Variants in HPS5 observed in about 807,000 individuals in gnomAD.
HPS5 encodes BLOC-2 complex member HPS5.
In HPS5, 83 loss-of-function variants were observed where a neutral mutation model predicts 128.0. That is an observed-to-expected ratio of 0.65 (90% CI 0.54 to 0.78). The LOEUF is 0.78. HPS5 is among the 30% of genes least tolerant of loss of function. The pLI, the probability that HPS5 is intolerant of heterozygous loss-of-function variation, is 0.00. For synonymous variants in HPS5, 475 were observed against 470.2 expected (o/e 1.01, Z -0.13); for missense variants, 1,281 against 1,326.2 (o/e 0.97, Z 0.53).
In HPS5 at chr11:18,298,862, AGCAG is replaced by A. The variant is rs755839901; in HGVS notation, c.1090_1093del (p.Leu364Ter). The A allele has an allele frequency of 3.7e-6, 6 of 1,614,222 alleles. No homozygotes were observed. The highest frequency in any genetic ancestry group is 4.2e-6 in the Non-Finnish European group (5 of 1,180,030). On this transcript the variant is annotated frameshift_variant, in exon 10 of 23. Coordinates refer to ENST00000349215, the MANE Select transcript of HPS5 (RefSeq NM_181507.2). LOFTEE classifies it high-confidence loss of function. Reference sequence around the variant, plus strand: ...AGCCAAGTTCCATAGGCCTCTTCTTAGCAGGCGTTCCACACAGCGCTCCACAGAT... The same window carrying A: ...AGCCAAGTTCCATAGGCCTCTTCTTAGCGTTCCACACAGCGCTCCACAGAT...
rs183984813 is a variant in HPS5 at position 18,285,738 on chromosome 11, C to T, written c.2838-279G>A. 7.9e-5 allele frequency among the ~76,000 whole-genome samples: 12 copies of T among 151,818 alleles called. No homozygotes were observed. The East Asian group carries it at 2.1e-3, about 27-fold the overall frequency. On this transcript the variant is annotated intron_variant, in intron 19 of 22. Coordinates refer to ENST00000349215, the MANE Select transcript of HPS5 (RefSeq NM_181507.2). ...TCACTCACAGATAACCACTGCATAT[C>T]CTTCCAGACTTTTTGCTAGGAATAT...
At chr11:18,292,449 C>G (rs1443476718) in intron 15 of HPS5, among the ~76,000 whole-genome samples, 1 of 152,128 alleles carries the variant, frequency 6.6e-6, no homozygotes, top group South Asian at 2.1e-4. Flanking sequence ...CCACCTCAGC[C>G]TTTCAAAATG....
At chr11:18,313,146 C>T (rs997906989) in intron 2 of HPS5, among the ~76,000 whole-genome samples, 10 of 151,744 alleles carry the variant, frequency 6.6e-5, no homozygotes, top group Admixed American at 2.0e-4. Flanking sequence ...TGAGTTTAAT[C>T]AAAATAACTC....
At chr11:18,288,141 A>G in intron 16 of HPS5, 128 bp from the exon 17 acceptor site, 1 of 914,768 alleles carries the variant, frequency 1.1e-6, no homozygotes, top group Non-Finnish European at 1.7e-6. Flanking sequence ...GCAAGGCCCA[A>G]TATTAAGCAT....
At chr11:18,306,393 A>T in intron 6 of HPS5, 46 bp from the exon 7 acceptor site, 2 of 1,415,068 alleles carry the variant, frequency 1.4e-6, no homozygotes, top group Non-Finnish European at 2.0e-6. Flanking sequence ...TACAAAAAAA[A>T]GTCAAAAACA....
intron 15 of HPS5, 149 bp from the exon 16 acceptor site, chr11:18,292,168 C>T (rs1860487864): frequency 1.5e-6 from 1 of 646,260 alleles, no homozygotes; most frequent in South Asian, 1.9e-5. Context: ...ACTATCTCAA[C>T]AAGATGACAA....
intron 8 of HPS5, among the ~76,000 whole-genome samples, chr11:18,304,665 G>A (rs1862142832): frequency 6.6e-6 from 1 of 152,272 alleles, no homozygotes; most frequent in East Asian, 1.9e-4. Context: ...ACTGAATCAG[G>A]TGTTCACACT....
intron 21 of HPS5, 82 bp downstream of exon 21, chr11:18,283,713 G>A (rs1002320981): frequency 1.1e-6 from 1 of 886,010 alleles, no homozygotes; most frequent in Non-Finnish European, 1.9e-6. Context: ...TCATTGAAAG[G>A]TTCACCAAAT....
intron 8 of HPS5, among the ~76,000 whole-genome samples, chr11:18,303,213 C>T (rs148667681): frequency 5.3e-5 from 8 of 152,106 alleles, no homozygotes; most frequent in African/African-American, 1.4e-4. Context: ...TTCATGTTTT[C>T]GAAAAAACTC....
At position 18,311,985 on chromosome 11, in the gene HPS5, C is replaced by A. The variant is rs1380608671; in HGVS notation, c.148G>T (p.Gly50Cys). ...AGATGGAGTCCTCCTCCTGAACTGC[C>A]CAAAGCCAACCATTTCCGAGACACA... The part of the protein sequence containing the change: ...IAVSRKWLAL[G>C]SSGGGLHLIQ... Residue 50 changes from glycine (G) to cysteine (C), a missense_variant, in exon 3 of 23, where the codon GGC becomes TGC. Gly to Cys is a radical substitution (Grantham distance 159, BLOSUM62 -3). Transcript: ENST00000349215. The A allele has an allele frequency of 6.2e-7, 1 of 1,614,042 alleles. No homozygotes were observed. Among genetic ancestry groups the A allele is most frequent in the Non-Finnish European group, 8.5e-7 (1 of 1,179,962 alleles).
At position 18,295,150 on chromosome 11, in the gene HPS5, T is replaced by C. The variant is rs765841098; in HGVS notation, c.1654A>G (p.Lys552Glu). 6.2e-7 allele frequency: 1 copy of C among 1,614,144 alleles called. No individual in the cohort carries two copies. The highest frequency in any genetic ancestry group is 1.7e-5 in the Admixed American group (1 of 60,024). Residue 552 changes from lysine (K) to glutamate (E), a missense_variant, in exon 14 of 23, where the codon AAA becomes GAA. Lys to Glu is a moderately conservative substitution (Grantham distance 56). Transcript: ENST00000349215. ...VKESVSSFVRKTTEKIGTLHT... is the reference protein window; with the variant it reads ...VKESVSSFVRETTEKIGTLHT... Reference sequence around the variant, plus strand: ...AGGGTGCCAATCTTCTCAGTAGTTTTACGCACAAAGCTAGAAACACTAGAA... The same window carrying C: ...AGGGTGCCAATCTTCTCAGTAGTTTCACGCACAAAGCTAGAAACACTAGAA...
chr11:18,291,574 G>A lies in HPS5; in HGVS notation c.2308C>T (p.Pro770Ser). ...HVDHTLQQYS[P>S]EILACQFLKK... ...AGGAACTGGCAAGCCAGAATTTCAG[G>A]AGAGTACTGTTGCAAAGTGTGGTCC... is the stretch of plus-strand genomic sequence containing the variant. The change falls in exon 16 of 23, where the codon CCT becomes TCT. Residue 770 changes from proline to serine, a missense_variant. Coordinates refer to ENST00000349215, the MANE Select transcript of HPS5 (RefSeq NM_181507.2). The A allele has an allele frequency of 1.9e-6, 3 of 1,612,448 alleles. No individual in the cohort carries two copies. The highest frequency in any genetic ancestry group is 1.1e-5 in the South Asian group (1 of 90,780).
chr11:18,310,912 CCAAA>C lies in HPS5; in HGVS notation c.302_305del (p.Val101GlyfsTer3). The C allele has an allele frequency of 6.2e-7, 1 of 1,614,062 alleles. No individual in the cohort carries two copies. Among genetic ancestry groups the C allele is most frequent in the Non-Finnish European group, 8.5e-7 (1 of 1,179,984 alleles). The stretch of plus-strand genomic sequence containing the variant: ...TCCCACGACGCTCTTGATTTAATTC[CCAAA>C]CAACCACAAGACCTTGACTGCAAGA... On this transcript the variant is annotated frameshift_variant, in exon 5 of 23. Transcript: ENST00000349215. LOFTEE classifies it high-confidence loss of function.
chr11:18,298,281 C>A (rs572457194), intron 10 of HPS5, among the ~76,000 whole-genome samples: 284 of 151,978 alleles, frequency 1.9e-3, no homozygotes, highest in African/African-American at 6.1e-3. Flanking sequence ...CACTTGAGGT[C>A]AGGAGTTCGA....
chr11:18,291,120 A>G (rs1349324105), intron 16 of HPS5, among the ~76,000 whole-genome samples: 2 of 152,224 alleles, frequency 1.3e-5, no homozygotes, highest in Admixed American at 1.3e-4. Flanking sequence ...TGGGAGGCTG[A>G]GGCAAGACAA....
At chr11:18,299,356 T>C (rs1374701204) in intron 9 of HPS5, among the ~76,000 whole-genome samples, 3 of 152,178 alleles carry the variant, frequency 2.0e-5, no homozygotes, top group Admixed American at 6.5e-5. Flanking sequence ...ATACAGTTCA[T>C]GAGAAAATAT....
At chr11:18,299,580 T>C (rs1017010150) in intron 9 of HPS5, among the ~76,000 whole-genome samples, 2 of 152,160 alleles carry the variant, frequency 1.3e-5, no homozygotes, top group South Asian at 4.1e-4. Context: ...TGAGCAGCAA[T>C]GGTAAAAAAG....
intron 19 of HPS5, 33 bp downstream of exon 19, chr11:18,286,541 CAAAAAAAAAAAGTAAAG>C: frequency 8.3e-7 from 1 of 1,209,528 alleles, no homozygotes; most frequent in Non-Finnish European, 1.2e-6. Context: ...GATCCTGTCT[CAAAAAAAAAAAGTAAAG>C]AAAAAAACAA....
At chr11:18,308,486 G>A (rs1457684086) in intron 6 of HPS5, among the ~76,000 whole-genome samples, 2 of 152,040 alleles carry the variant, frequency 1.3e-5, no homozygotes, top group Non-Finnish European at 2.9e-5. Context: ...CCTCCTCTCT[G>A]CTCTCTAACA....
Sources: gnomAD v4.1 joint callset for allele counts (sites outside exome capture counted in the v4.1 genomes callset) on GRCh38, gnomAD v4.1.1 for gene constraint, MANE v1.5 for transcripts, NCBI Gene and HGNC (gene_info 2026-07-23, HGNC 2026-07-21) for gene names.